AGBL4: variants seen among roughly 807,000 people sequenced by gnomAD.
AGBL4 encodes the protein AGBL carboxypeptidase 4, also known as cytosolic carboxypeptidase 6.
In AGBL4, 58 loss-of-function variants were observed where a neutral mutation model predicts 66.4. The ratio of observed to expected loss-of-function variants is 0.87; its 90% CI spans 0.71 to 1.09. AGBL4 has a LOEUF of 1.09. Among genes scored for constraint, AGBL4 ranks in the 50% least tolerant of loss-of-function variants. The probability of loss-of-function intolerance (pLI) is 0.00; values close to 1 mark genes in which losing one functional copy is unlikely to be tolerated. For missense variants in AGBL4, 579 were observed against 631.0 expected (o/e 0.92, Z 0.88); for synonymous variants, 234 against 222.9 (o/e 1.05, Z -0.44).
At chr1:48,612,726 A>G (rs548185032) in intron 9 of AGBL4, among the ~76,000 whole-genome samples, 2 of 152,394 alleles carry the variant, frequency 1.3e-5, no homozygotes, top group Admixed American at 6.5e-5. Flanking sequence ...GTATTAAAAG[A>G]GGTGTTGAAT....
chr1:48,595,816 A>G (rs1644986335), intron 9 of AGBL4, among the ~76,000 whole-genome samples: 1 of 152,150 alleles, frequency 6.6e-6, no homozygotes, highest in African/African-American at 2.4e-5. Flanking sequence ...CCAAAACCTG[A>G]GCTTGGTGCT....
At chr1:49,681,679 G>A (rs1558158529) in intron 3 of AGBL4, among the ~76,000 whole-genome samples, 1 of 152,212 alleles carries the variant, frequency 6.6e-6, no homozygotes, top group East Asian at 1.9e-4. Flanking sequence ...CATCTTTCTG[G>A]AGCCACAATT....
At chr1:48,585,051 C>T (rs1569886871) in intron 11 of AGBL4, 1 of 152,150 alleles carries the variant, frequency 6.6e-6, no homozygotes, top group South Asian at 2.1e-4. Context: ...CAGTATTTTA[C>T]CCTAGGTGCC....
At chr1:49,594,923 C>T (rs924508756) in intron 3 of AGBL4, among the ~76,000 whole-genome samples, 2 of 152,172 alleles carry the variant, frequency 1.3e-5, no homozygotes, top group Admixed American at 1.3e-4. Context: ...ATTTCTGGTT[C>T]TAGATCCTTG....
At chr1:49,875,316 C>A (rs1379166903) in intron 1 of AGBL4, among the ~76,000 whole-genome samples, 2 of 115,758 alleles carry the variant, frequency 1.7e-5, no homozygotes, top group Non-Finnish European at 3.5e-5. Context: ...CTCCCCCCTC[C>A]ACACCACAGT....
At chr1:49,225,534 GCTTCA>G (rs1366559598) in intron 4 of AGBL4, among the ~76,000 whole-genome samples, 2 of 152,190 alleles carry the variant, frequency 1.3e-5, no homozygotes, top group Non-Finnish European at 1.5e-5. Context: ...AGGTGGGACT[GCTTCA>G]TGCTGATCCC....
intron 5 of AGBL4, among the ~76,000 whole-genome samples, chr1:48,869,094 A>G (rs530294228): frequency 5.9e-5 from 9 of 152,162 alleles, no homozygotes; most frequent in Non-Finnish European, 1.3e-4. Flanking sequence ...CCTTGCTTCA[A>G]TGACTTCTCA....
intron 6 of AGBL4, among the ~76,000 whole-genome samples, chr1:48,834,490 G>A (rs1646631235): frequency 6.6e-6 from 1 of 152,064 alleles, no homozygotes; most frequent in African/African-American, 2.4e-5. Context: ...CCTTTGGGAG[G>A]TCTTTAGGTT....
intron 2 of AGBL4, among the ~76,000 whole-genome samples, chr1:49,840,798 TC>T (rs1210924329): frequency 3.9e-5 from 6 of 152,050 alleles, no homozygotes; most frequent in African/African-American, 1.4e-4. Flanking sequence ...AAATCCAATA[TC>T]CCTTCATGAT....
chr1:49,044,767 T>C (rs1644036066), intron 5 of AGBL4, among the ~76,000 whole-genome samples: 1 of 152,178 alleles, frequency 6.6e-6, no homozygotes, highest in Non-Finnish European at 1.5e-5. Context: ...CAGCCACTGA[T>C]AGCTCTCAAG....
At chr1:49,890,408 T>C (rs1648522935) in intron 1 of AGBL4, among the ~76,000 whole-genome samples, 1 of 152,302 alleles carries the variant, frequency 6.6e-6, no homozygotes, top group South Asian at 2.1e-4. Context: ...CAAATATTAC[T>C]GTGTGCCACT....
intron 6 of AGBL4, among the ~76,000 whole-genome samples, chr1:48,718,480 C>T (rs1442614628): frequency 1.3e-5 from 2 of 152,188 alleles, no homozygotes; most frequent in African/African-American, 2.4e-5. Context: ...AAAAAAGAAC[C>T]CCAGATTCTT....
At chr1:49,566,258 G>T (rs1349240363) in intron 3 of AGBL4, among the ~76,000 whole-genome samples, 3 of 151,956 alleles carry the variant, frequency 2.0e-5, no homozygotes, top group Non-Finnish European at 4.4e-5. Flanking sequence ...TCCTCCTTTA[G>T]CTCAGAGTAG....
At chr1:49,702,010 AATAG>A (rs1483668264) in intron 2 of AGBL4, among the ~76,000 whole-genome samples, 25 of 152,276 alleles carry the variant, frequency 1.6e-4, no homozygotes, top group South Asian at 4.1e-4. Context: ...AAAAACATTA[AATAG>A]ATAGATAAAG....
At chr1:49,655,761 G>A (rs542957112) in intron 3 of AGBL4, among the ~76,000 whole-genome samples, 141 of 152,310 alleles carry the variant, frequency 9.3e-4, no homozygotes, top group Middle Eastern at 3.4e-3. Flanking sequence ...AATGAATCCA[G>A]GAGCTGGTTT....
chr1:49,591,074 A>C (rs540747864), intron 3 of AGBL4, among the ~76,000 whole-genome samples: 135 of 152,220 alleles, frequency 8.9e-4, no homozygotes, highest in African/African-American at 2.9e-3. Flanking sequence ...GTCTAAAATC[A>C]ATAACTTTCA....
At chr1:49,387,802 C>A (rs1191909011) in intron 3 of AGBL4, among the ~76,000 whole-genome samples, 2 of 151,894 alleles carry the variant, frequency 1.3e-5, no homozygotes, top group Admixed American at 6.6e-5. Context: ...CTCTTCAGAT[C>A]GTTAATGCTT....
chr1:49,011,347 G>A (rs1662389770), intron 5 of AGBL4, among the ~76,000 whole-genome samples: 2 of 151,494 alleles, frequency 1.3e-5, no homozygotes, highest in Non-Finnish European at 3.0e-5. Flanking sequence ...TCTCACACCA[G>A]TTAGAATGGC....
intron 5 of AGBL4, among the ~76,000 whole-genome samples, chr1:49,042,883 AG>A (rs1411552651): frequency 6.6e-6 from 1 of 152,162 alleles, no homozygotes; most frequent in Non-Finnish European, 1.5e-5. Flanking sequence ...CACTGCTTCC[AG>A]ACATGTTCTT....
Sources: allele counts gnomAD v4.1 joint callset (sites outside exome capture counted in the v4.1 genomes callset), GRCh38; gene constraint gnomAD v4.1.1; transcripts MANE v1.5; gene names NCBI Gene and HGNC (gene_info 2026-07-23, HGNC 2026-07-21).